Variants in RNGTT observed in about 807,000 individuals in gnomAD.
RNGTT encodes mRNA-capping enzyme.
RNGTT carries 33 observed loss-of-function variants against 79.3 expected under a neutral mutation model. That is an observed-to-expected ratio of 0.42 (90% CI 0.32 to 0.56). The LOEUF is 0.56. Ranked by LOEUF, RNGTT falls within the 20% of genes least tolerant of loss-of-function variation. The pLI is 0.17. For missense variants in RNGTT, 497 were observed against 739.1 expected, an observed-to-expected ratio of 0.67 and a Z score of 3.80; for synonymous variants, 222 against 235.9, an observed-to-expected ratio of 0.94 and a Z score of 0.54.
rs561347005 is a variant in RNGTT at position 88,876,538 on chromosome 6, A to G, written c.896+13957T>C. ...TCAAAAAACAATCATCATCATCATC[A>G]TATAGTTTAGTTCTAATTACCTGCT... is the stretch of plus-strand genomic sequence containing the variant. On this transcript the variant is annotated intron_variant, in intron 8 of 15. Coordinates refer to ENST00000369485, the MANE Select transcript of RNGTT (RefSeq NM_003800.5). Among the ~76,000 whole-genome samples the G allele has an allele frequency of 4.6e-5, 7 of 152,314 alleles. No individual in the cohort carries two copies. In the East Asian group the frequency reaches 1.2e-3, roughly 25 times the overall value.
At chr6:88,775,022 A>G (rs1778827166) in intron 12 of RNGTT, among the ~76,000 whole-genome samples, 1 of 152,226 alleles carries the variant, frequency 6.6e-6, no homozygotes, top group Non-Finnish European at 1.5e-5. Context: ...GTAAATATAA[A>G]TAAATCACAC....
chr6:88,741,215 A>G (rs1777477963), intron 13 of RNGTT, among the ~76,000 whole-genome samples: 1 of 152,206 alleles, frequency 6.6e-6, no homozygotes, highest in Non-Finnish European at 1.5e-5. Context: ...TCAACAGTGG[A>G]TTCGATAAAG....
chr6:88,669,452 T>C (rs1327273408), intron 14 of RNGTT, among the ~76,000 whole-genome samples: 2 of 152,202 alleles, frequency 1.3e-5, no homozygotes, highest in South Asian at 2.1e-4. Flanking sequence ...ACCTCAATTA[T>C]TGGGCAATAC....
chr6:88,650,478 G>A (rs948826139), intron 14 of RNGTT, among the ~76,000 whole-genome samples: 1 of 152,060 alleles, frequency 6.6e-6, no homozygotes, highest in African/African-American at 2.4e-5. Context: ...CTCCAAGAAA[G>A]ACTGATCTTG....
chr6:88,912,890 T>C (rs1253609291), intron 4 of RNGTT, among the ~76,000 whole-genome samples: 1 of 151,750 alleles, frequency 6.6e-6, no homozygotes. Context: ...ATTGAACCAG[T>C]TATAAAAAAC....
At chr6:88,742,179 A>G (rs1777514359) in intron 13 of RNGTT, among the ~76,000 whole-genome samples, 1 of 152,214 alleles carries the variant, frequency 6.6e-6, no homozygotes, top group Non-Finnish European at 1.5e-5. Flanking sequence ...AAGCCAAAAC[A>G]AACAATACTT....
chr6:88,689,815 G>C (rs1410014446), intron 13 of RNGTT, among the ~76,000 whole-genome samples: 1 of 151,188 alleles, frequency 6.6e-6, no homozygotes, highest in Non-Finnish European at 1.5e-5. Flanking sequence ...TGAAAGTTTA[G>C]TGAGAAACAT....
intron 14 of RNGTT, among the ~76,000 whole-genome samples, chr6:88,637,473 C>T (rs903009695): frequency 5.3e-5 from 8 of 151,996 alleles, no homozygotes; most frequent in African/African-American, 1.9e-4. Context: ...TGAAACAGAA[C>T]GCTTTGATCT....
intron 12 of RNGTT, among the ~76,000 whole-genome samples, chr6:88,788,475 A>T (rs1304177609): frequency 3.9e-5 from 6 of 152,224 alleles, no homozygotes; most frequent in African/African-American, 1.4e-4. Flanking sequence ...GGTGAAAATT[A>T]TCTTGATTTT....
At chr6:88,669,071 A>C (rs1405059143) in intron 14 of RNGTT, among the ~76,000 whole-genome samples, 1 of 152,098 alleles carries the variant, frequency 6.6e-6, no homozygotes, top group African/African-American at 2.4e-5. Context: ...ATAATTACTA[A>C]CCCCCAGGAT....
chr6:88,833,890 C>T (rs867577270), intron 11 of RNGTT, among the ~76,000 whole-genome samples: 3 of 152,034 alleles, frequency 2.0e-5, no homozygotes, highest in East Asian at 3.9e-4. Flanking sequence ...GGTGTGGTGG[C>T]GCACACCTGA....
At chr6:88,719,835 C>A (rs947854244) in intron 13 of RNGTT, among the ~76,000 whole-genome samples, 4 of 152,120 alleles carry the variant, frequency 2.6e-5, no homozygotes, top group African/African-American at 9.7e-5. Flanking sequence ...GTAAGAAATT[C>A]AAAGATGACC....
intron 2 of RNGTT, among the ~76,000 whole-genome samples, chr6:88,933,280 C>A (rs1784564359): frequency 6.6e-6 from 1 of 152,140 alleles, no homozygotes; most frequent in South Asian, 2.1e-4. Flanking sequence ...CAAGTTCTCT[C>A]TTCTAGCTAC....
intron 12 of RNGTT, among the ~76,000 whole-genome samples, chr6:88,794,286 G>C (rs1779519820): frequency 6.6e-6 from 1 of 152,076 alleles, no homozygotes; most frequent in Non-Finnish European, 1.5e-5. Flanking sequence ...AGAAAAGTGA[G>C]AATTTAAAGA....
chr6:88,737,101 C>T (rs1777313357), intron 13 of RNGTT, among the ~76,000 whole-genome samples: 1 of 152,194 alleles, frequency 6.6e-6, no homozygotes, highest in Admixed American at 6.5e-5. Flanking sequence ...ACCTCAAGAT[C>T]TAATGGAATT....
chr6:88,778,131 G>A (rs1778950977), intron 12 of RNGTT, among the ~76,000 whole-genome samples: 1 of 151,936 alleles, frequency 6.6e-6, no homozygotes, highest in South Asian at 2.1e-4. Flanking sequence ...TGTAACCCAG[G>A]GATAAATCTC....
chr6:88,885,223 G>T (rs1399403628), intron 8 of RNGTT, among the ~76,000 whole-genome samples: 1 of 152,060 alleles, frequency 6.6e-6, no homozygotes. Context: ...ACAAAAATTG[G>T]TTTCTAAATA....
Position 88,726,389 on chromosome 6 carries a change from C to CAAAAAAA in RNGTT, c.1439+43378_1439+43384dup, listed in dbSNP as rs61210098. 7.2e-3 allele frequency among the ~76,000 whole-genome samples: 710 copies of CAAAAAAA among 99,010 alleles called. 1 individual carries two copies. Among genetic ancestry groups the CAAAAAAA allele is most frequent in the South Asian group, 0.011 (34 of 3,016 alleles). The allele number at this position is 99,010 out of a possible 152,430, so 65.0% of individuals were successfully genotyped here. A position where few individuals can be genotyped will look rare whatever the true frequency, so the allele number is the denominator to read the frequency against. On this transcript the variant is annotated intron_variant, in intron 13 of 15. Coordinates refer to ENST00000369485, the MANE Select transcript of RNGTT (RefSeq NM_003800.5). ...CATCAGGTCAGAACTATCCTAAGTC[C>CAAAAAAA]AAAAAAAAAAAAAAAAAAGCAAAAA... is the stretch of plus-strand genomic sequence containing the variant.
chr6:88,859,713 G>A (rs1392880178), intron 8 of RNGTT, among the ~76,000 whole-genome samples: 2 of 152,134 alleles, frequency 1.3e-5, no homozygotes, highest in African/African-American at 4.8e-5. Context: ...CAAGACTGGT[G>A]CAGAGAGTGA....
Sources: allele counts gnomAD v4.1 joint callset (sites outside exome capture counted in the v4.1 genomes callset), GRCh38; gene constraint gnomAD v4.1.1; transcripts MANE v1.5; gene names NCBI Gene and HGNC (gene_info 2026-07-23, HGNC 2026-07-21).